Variants in TTC39C observed in about 807,000 individuals in gnomAD.
TTC39C encodes the protein tetratricopeptide repeat domain 39C, also known as tetratricopeptide repeat protein 39C.
A neutral mutation model predicts 76.3 loss-of-function variants in TTC39C; 33 were observed. That is an observed-to-expected ratio of 0.43 (90% CI 0.33 to 0.58). The LOEUF is 0.58. TTC39C is among the 20% of genes least tolerant of loss of function. The pLI, the probability that TTC39C is intolerant of heterozygous loss-of-function variation, is 0.04. For synonymous variants in TTC39C, 254 were observed against 260.6 expected (o/e 0.97, Z 0.24); for missense variants, 595 against 701.4 (o/e 0.85, Z 1.71).
In TTC39C at chr18:24,113,864, A is replaced by G. The variant is rs1156681195; in HGVS notation, c.985-690A>G. 1.5e-5 allele frequency: 9 copies of G among 595,286 alleles called. No individual in the cohort carries two copies. In the East Asian group the frequency reaches 2.6e-4, roughly 17 times the overall value. The allele number at this position is 595,286 out of a possible 1,614,324, so 36.9% of individuals were successfully genotyped here. A position where few individuals can be genotyped will look rare whatever the true frequency, so the allele number is the denominator to read the frequency against. On this transcript the variant is annotated intron_variant, in intron 6 of 13. Transcript: ENST00000317571. ...CATTTGAGAGTTTGCTGGGTCCCAG[A>G]CAGTGTTATGTGAATGAAAGTGTTG...
At chr18:24,039,232 G>T (rs910280125) in intron 1 of TTC39C, among the ~76,000 whole-genome samples, 3 of 152,168 alleles carry the variant, frequency 2.0e-5, no homozygotes, top group Non-Finnish European at 1.5e-5. Flanking sequence ...TTGAAACCAG[G>T]GCCATGGGAA....
intron 1 of TTC39C, among the ~76,000 whole-genome samples, chr18:24,017,830 A>G (rs143089648): frequency 3.6e-4 from 55 of 152,292 alleles, no homozygotes; most frequent in Non-Finnish European, 6.3e-4. Context: ...TAAACCTTCC[A>G]GAGTCTTATT....
intron 6 of TTC39C, among the ~76,000 whole-genome samples, chr18:24,090,795 T>A (rs1413311142): frequency 2.0e-5 from 3 of 147,864 alleles, no homozygotes; most frequent in African/African-American, 7.5e-5. Context: ...ATGATTAATT[T>A]ACTTTTTTTT....
chr18:23,997,745 A>C (rs1427831252), intron 1 of TTC39C, among the ~76,000 whole-genome samples: 1 of 151,934 alleles, frequency 6.6e-6, no homozygotes, highest in Non-Finnish European at 1.5e-5. Flanking sequence ...GCATAGTGGC[A>C]TGTGCCTGTA....
chr18:24,122,858 T>G lies in TTC39C; in HGVS notation c.1187-976T>G, dbSNP rs933524241. 7.9e-5 allele frequency among the ~76,000 whole-genome samples: 12 copies of G among 152,328 alleles called. No individual in the cohort carries two copies. In the South Asian group the frequency reaches 1.7e-3, roughly 21 times the overall value. Reference sequence around the variant, plus strand: ...AGCGTCTGGTCACTCCAGAGAGAAATGATCCCTTCTCTTTCTGAGCCTTCT... The same window carrying G: ...AGCGTCTGGTCACTCCAGAGAGAAAGGATCCCTTCTCTTTCTGAGCCTTCT... On this transcript the variant is annotated intron_variant, in intron 8 of 13. Transcript: ENST00000317571.
At chr18:24,065,747 A>G (rs985221288) in intron 2 of TTC39C, among the ~76,000 whole-genome samples, 2 of 152,218 alleles carry the variant, frequency 1.3e-5, no homozygotes, top group Admixed American at 1.3e-4. Flanking sequence ...TGTGTTTAAT[A>G]ACAGCAACAA....
chr18:24,084,508 T>C (rs1433345072), intron 6 of TTC39C, among the ~76,000 whole-genome samples: 1 of 152,144 alleles, frequency 6.6e-6, no homozygotes, highest in Non-Finnish European at 1.5e-5. Flanking sequence ...TAAAATAAAA[T>C]TGAGATATAG....
chr18:24,000,350 G>A (rs1293865478), intron 1 of TTC39C: 1 of 152,178 alleles, frequency 6.6e-6, no homozygotes, highest in Non-Finnish European at 1.5e-5. Context: ...ATAGAGGGAA[G>A]GCAAGGTAAA....
At chr18:24,125,054 G>A (rs1411046435) in intron 9 of TTC39C, among the ~76,000 whole-genome samples, 2 of 152,070 alleles carry the variant, frequency 1.3e-5, no homozygotes, top group Admixed American at 6.6e-5. Flanking sequence ...CACCATACCC[G>A]GCTAATTTTG....
rs113703944 is a variant in TTC39C at position 23,994,896 on chromosome 18, C to CTT, written c.-17+1865_-17+1866dup. Among the ~76,000 whole-genome samples, 814 of 151,438 alleles carry CTT rather than the reference C, an allele frequency of 5.4e-3. 7 individuals carry two copies. The highest frequency in any genetic ancestry group is 0.018 in the African/African-American group (757 of 41,166). ...GTGGCCTGGACATCAGGATCTTTTC[C>CTT]TTTTTTTTAAAAAAAAATAATAATA... On this transcript the variant is annotated intron_variant, in intron 1 of 13. Coordinates refer to the TTC39C transcript ENST00000304621.
chr18:24,070,080 C>A (rs1351110609), intron 4 of TTC39C, among the ~76,000 whole-genome samples: 1 of 152,186 alleles, frequency 6.6e-6, no homozygotes, highest in African/African-American at 2.4e-5. Flanking sequence ...TCTTTTCTTT[C>A]TAGCCTATCA....
At chr18:24,096,722 A>G (rs2084595041) in intron 6 of TTC39C, among the ~76,000 whole-genome samples, 1 of 152,200 alleles carries the variant, frequency 6.6e-6, no homozygotes, top group African/African-American at 2.4e-5. Flanking sequence ...TTTTATCTGT[A>G]TACTTTTTAA....
chr18:24,069,074 T>C, intron 3 of TTC39C, 83 bp from the exon 4 acceptor site: 1 of 1,163,836 alleles, frequency 8.6e-7, no homozygotes, highest in South Asian at 1.3e-5. Flanking sequence ...TGAAATTATC[T>C]TGTACAATAA....
intron 7 of TTC39C, 112 bp downstream of exon 7, chr18:24,114,759 A>G: frequency 1.4e-6 from 1 of 698,864 alleles, no homozygotes; most frequent in Non-Finnish European, 2.5e-6. Flanking sequence ...CTTCTGTAGT[A>G]AGAAGGACTT....
intron 6 of TTC39C, among the ~76,000 whole-genome samples, chr18:24,093,592 A>G (rs1400978195): frequency 7.2e-5 from 11 of 152,176 alleles, no homozygotes; most frequent in Non-Finnish European, 1.3e-4. Context: ...TTCAACTAAG[A>G]TATACAGGCA....
chr18:24,023,363 A>G (rs1361675679), intron 1 of TTC39C, among the ~76,000 whole-genome samples: 1 of 152,146 alleles, frequency 6.6e-6, no homozygotes, highest in African/African-American at 2.4e-5. Flanking sequence ...ATGGGAAGCA[A>G]AGCCGCTGCT....
chr18:24,061,844 C>T (rs2084105573), intron 1 of TTC39C, among the ~76,000 whole-genome samples: 1 of 152,176 alleles, frequency 6.6e-6, no homozygotes, highest in Non-Finnish European at 1.5e-5. Flanking sequence ...GCGGATGTTG[C>T]AGTGAGCCAA....
chr18:24,041,023 C>T (rs186857730), intron 1 of TTC39C, among the ~76,000 whole-genome samples: 4 of 152,102 alleles, frequency 2.6e-5, no homozygotes, highest in South Asian at 2.1e-4. Flanking sequence ...AGTAGTGAAA[C>T]GAAGTGGATT....
chr18:24,023,995 TATATATATA>T (rs2083561625), intron 1 of TTC39C, among the ~76,000 whole-genome samples: 1 of 6,484 alleles, frequency 1.5e-4, no homozygotes, highest in African/African-American at 5.4e-4. Context: ...TATATATATA[TATATATATA>T]TATATATATA....
Sources: allele counts gnomAD v4.1 joint callset (sites outside exome capture counted in the v4.1 genomes callset), GRCh38; gene constraint gnomAD v4.1.1; transcripts MANE v1.5; gene names NCBI Gene and HGNC (gene_info 2026-07-23, HGNC 2026-07-21).